The following HIBCH variants were observed in gnomAD, a reference collection of about 807,000 sequenced individuals.
HIBCH encodes the protein 3-hydroxyisobutyryl-CoA hydrolase, mitochondrial.
HIBCH carries 50 observed loss-of-function variants against 58.2 expected under a neutral mutation model. The observed-to-expected ratio is 0.86, with a 90% confidence interval of 0.68 to 1.09. The LOEUF is 1.09. HIBCH is among the 50% of genes least tolerant of loss of function. The pLI is 0.00. For missense variants in HIBCH, 450 were observed against 449.7 expected (o/e 1.00, Z -0.01); for synonymous variants, 151 against 146.9 (o/e 1.03, Z -0.20).
downstream of HIBCH, among the ~76,000 whole-genome samples, chr2:190,199,365 T>G (rs1690129811): frequency 6.6e-6 from 1 of 152,102 alleles, no homozygotes; most frequent in Non-Finnish European, 1.5e-5. Flanking sequence ...TAGCTGGAAT[T>G]TGGCCCAATG....
Position 190,210,336 on chromosome 2 carries a change from G to A in HIBCH, c.1012-1423C>T, listed in dbSNP as rs542266967. Among the ~76,000 whole-genome samples the A allele has an allele frequency of 7.9e-5, 12 of 152,216 alleles. No individual in the cohort carries two copies. Among genetic ancestry groups the A allele is most frequent in the Admixed American group, 3.9e-4 (6 of 15,266 alleles). ...CACTGTCCATTACACCCTCCTCCCC[G>A]AAACATTCCTCACTTTCTTTTGTGA... On this transcript the variant is annotated intron_variant, in intron 12 of 13. Transcript: ENST00000359678. This position sits in a 1 kb window ranked among gnomAD's most constrained non-coding sequence, Gnocchi z 5.5.
chr2:190,242,037 G>A (rs1686469935), intron 11 of HIBCH, among the ~76,000 whole-genome samples: 4 of 152,088 alleles, frequency 2.6e-5, no homozygotes, highest in Admixed American at 2.6e-4. Flanking sequence ...AAGTTCTCCT[G>A]CACAATATCC....
intron 7 of HIBCH, among the ~76,000 whole-genome samples, chr2:190,258,026 AT>A (rs1339540507): frequency 6.6e-6 from 1 of 152,182 alleles, no homozygotes; most frequent in Non-Finnish European, 1.5e-5. Flanking sequence ...CTGTGTCCCC[AT>A]TCAAATCTCA....
At chr2:190,195,497 C>T (rs1156512184) in intron 1 of HIBCH, among the ~76,000 whole-genome samples, 1 of 152,174 alleles carries the variant, frequency 6.6e-6, no homozygotes, top group African/African-American at 2.4e-5. Flanking sequence ...ATTTACAATT[C>T]CTGAATGACA....
chr2:190,307,101 TG>T (rs796502510), intron 2 of HIBCH, among the ~76,000 whole-genome samples: 51 of 152,298 alleles, frequency 3.3e-4, no homozygotes, highest in African/African-American at 1.1e-3. Context: ...ACTATATTCT[TG>T]GGAACTAGGA....
intron 7 of HIBCH, among the ~76,000 whole-genome samples, chr2:190,258,415 GAT>G (rs1283160217): frequency 2.0e-5 from 3 of 152,206 alleles, no homozygotes; most frequent in Non-Finnish European, 4.4e-5. Context: ...TTGCTATAAA[GAT>G]ACCTGGAAAT....
At chr2:190,230,329 A>AT (rs1291055976) in intron 11 of HIBCH, among the ~76,000 whole-genome samples, 20 of 152,370 alleles carry the variant, frequency 1.3e-4, no homozygotes, top group African/African-American at 4.8e-4. Flanking sequence ...GAATCATTAC[A>AT]GGTACCACAG....
chr2:190,240,761 T>C lies in HIBCH; in HGVS notation c.891+4126A>G, dbSNP rs146154622. Among the ~76,000 whole-genome samples, 418 of 152,332 alleles carry C rather than the reference T, an allele frequency of 2.7e-3. 1 individual carries two copies. Among genetic ancestry groups the C allele is most frequent in the African/African-American group, 9.5e-3 (394 of 41,572 alleles). On this transcript the variant is annotated intron_variant, in intron 11 of 13. Transcript: ENST00000359678. The stretch of plus-strand genomic sequence containing the variant: ...TACCCAGTAGTCATTCAGGAGCAAG[T>C]TGTTCACTTTCCATGTATTGTGCGG...
chr2:190,265,391 T>A (rs921009353), intron 6 of HIBCH, among the ~76,000 whole-genome samples: 5 of 152,080 alleles, frequency 3.3e-5, no homozygotes, highest in Non-Finnish European at 7.4e-5. Flanking sequence ...GCTATCTGGG[T>A]ATCCTCTTTG....
intron 11 of HIBCH, among the ~76,000 whole-genome samples, chr2:190,218,584 A>G (rs187095529): frequency 9.4e-4 from 143 of 152,286 alleles, no homozygotes; most frequent in Admixed American, 2.0e-3. Context: ...AAGGCAAACT[A>G]AAAATTAAAA....
In HIBCH at chr2:190,309,649, G is replaced by A. The variant is rs180889718; in HGVS notation, c.78+1105C>T. 4.2e-3 allele frequency among the ~76,000 whole-genome samples: 631 copies of A among 151,466 alleles called. 8 individuals are homozygous for A. Among genetic ancestry groups the A allele is most frequent in the Middle Eastern group, 0.027 (8 of 294 alleles). On this transcript the variant is annotated intron_variant, in intron 2 of 13. Transcript: ENST00000359678. ...TGGCTCACTGCAAGCTCTGCCTCCC[G>A]GGTTCACGCCATTCTCCTGCCTCAG...
At chr2:190,218,647 C>A (rs578252697) in intron 11 of HIBCH, among the ~76,000 whole-genome samples, 1 of 152,306 alleles carries the variant, frequency 6.6e-6, no homozygotes, top group South Asian at 2.1e-4. Flanking sequence ...AGTACTAGCT[C>A]TTAATAGAAG....
chr2:190,308,578 C>A (rs996126998), intron 2 of HIBCH, among the ~76,000 whole-genome samples: 1 of 152,084 alleles, frequency 6.6e-6, no homozygotes, highest in Non-Finnish European at 1.5e-5. Flanking sequence ...CACACTTAGC[C>A]CCCTTGCCAC....
intron 1 of HIBCH, among the ~76,000 whole-genome samples, chr2:190,191,464 T>C (rs1689707026): frequency 6.6e-6 from 1 of 152,190 alleles, no homozygotes; most frequent in African/African-American, 2.4e-5. Context: ...TTTTTTTATG[T>C]GAACACAAAT....
At position 190,209,778 on chromosome 2, in the gene HIBCH, G is replaced by T. The variant is rs1690474755; in HGVS notation, c.1012-865C>A. ...GTGGTCATTCACTTTTATTTTCCTA[G>T]AATCATCGATGTAGGCAATATAGCT... On this transcript the variant is annotated intron_variant, in intron 12 of 13. Transcript: ENST00000359678. The surrounding 1 kb of genome is among the most constrained non-coding windows in gnomAD (Gnocchi z 5.6). Among the ~76,000 whole-genome samples, 1 of 152,142 alleles carries T rather than the reference G, an allele frequency of 6.6e-6. No homozygotes were observed. The highest frequency in any genetic ancestry group is 6.5e-5 in the Admixed American group (1 of 15,270).
chr2:190,270,469 T>C (rs562871728), intron 6 of HIBCH, among the ~76,000 whole-genome samples: 52 of 152,202 alleles, frequency 3.4e-4, no homozygotes, highest in African/African-American at 1.1e-3. Flanking sequence ...CTCAGAAAGA[T>C]ACACAATGGG....
At chr2:190,202,443 AGAT>A (rs1352568675), downstream of HIBCH, 1 of 167,068 alleles carries the variant, frequency 6.0e-6, no homozygotes, top group African/African-American at 2.4e-5. Flanking sequence ...AAATGAAAAA[AGAT>A]GAATAAATGA....
chr2:190,238,460 G>A (rs921078501), intron 11 of HIBCH, among the ~76,000 whole-genome samples: 5 of 152,100 alleles, frequency 3.3e-5, no homozygotes, highest in African/African-American at 7.2e-5. Flanking sequence ...TGTTGGCCGT[G>A]TAAATGTCTT....
At position 190,244,947 on chromosome 2, in the gene HIBCH, C is replaced by T. The variant is rs1686562765; in HGVS notation, c.831G>A (p.Val277=). 6.2e-7 allele frequency: 1 copy of T among 1,608,228 alleles called. No individual in the cohort carries two copies. The highest frequency in any genetic ancestry group is 1.7e-5 in the Admixed American group (1 of 59,982). The change falls in exon 11 of 14, where the codon GTG becomes GTA. Residue 277 remains valine, a synonymous_variant. Coordinates refer to ENST00000359678, the MANE Select transcript of HIBCH (RefSeq NM_014362.4). ...KINSCFSANT[V]EEIIENLQQD... is the part of the protein sequence containing the mutation. Reference sequence around the variant, plus strand: ...GCTGTAAGTTTTCAATAATTTCTTCCACAGTATTGGCTGAAAAACAACTAT... The same window carrying T: ...GCTGTAAGTTTTCAATAATTTCTTCTACAGTATTGGCTGAAAAACAACTAT...
Sources: allele counts gnomAD v4.1 joint callset (sites outside exome capture counted in the v4.1 genomes callset), GRCh38; gene constraint gnomAD v4.1.1; non-coding constraint Gnocchi (gnomAD v3.1); transcripts MANE v1.5; gene names NCBI Gene and HGNC (gene_info 2026-07-23, HGNC 2026-07-21).